MACROD2: variants seen among roughly 807,000 people sequenced by gnomAD.
The protein encoded by MACROD2 is ADP-ribose glycohydrolase MACROD2.
Under a neutral mutation model 70.4 loss-of-function variants are expected in MACROD2, and 36 were observed. The observed-to-expected ratio is 0.51, with a 90% CI of 0.39 to 0.68. MACROD2 has a LOEUF of 0.68. MACROD2 is among the 30% of genes least tolerant of loss of function. The pLI is 0.00. For missense variants in MACROD2, 496 were observed against 538.4 expected (o/e 0.92, Z 0.78); for synonymous variants, 172 against 178.8 (o/e 0.96, Z 0.30).
At chr20:14,466,422 G>C (rs1171113265) in intron 3 of MACROD2, among the ~76,000 whole-genome samples, 1 of 151,980 alleles carries the variant, frequency 6.6e-6, no homozygotes, top group Non-Finnish European at 1.5e-5. Context: ...GGTTATTCTA[G>C]TTATCCATTC....
intron 5 of MACROD2, among the ~76,000 whole-genome samples, chr20:15,183,000 G>T (rs1180587045): frequency 6.6e-6 from 1 of 152,128 alleles, no homozygotes; most frequent in South Asian, 2.1e-4. Flanking sequence ...TTGTAAAATT[G>T]TAACTGCTTT....
intron 6 of MACROD2, among the ~76,000 whole-genome samples, chr20:15,411,573 A>C (rs2046079695): frequency 6.6e-6 from 1 of 152,240 alleles, no homozygotes; most frequent in South Asian, 2.1e-4. Context: ...GATTTGAACA[A>C]GTCTTATAGA....
At chr20:14,365,959 G>A (rs908870166) in intron 3 of MACROD2, among the ~76,000 whole-genome samples, 2 of 152,102 alleles carry the variant, frequency 1.3e-5, no homozygotes, top group African/African-American at 4.8e-5. Flanking sequence ...TGTGGTTGAG[G>A]AAGATACTTT....
intron 2 of MACROD2, among the ~76,000 whole-genome samples, chr20:14,017,797 C>T (rs1234044309): frequency 6.6e-6 from 1 of 152,004 alleles, no homozygotes. Context: ...CAGGGTAATG[C>T]TGGCTATAAG....
At chr20:15,057,698 G>A (rs1449187498) in intron 5 of MACROD2, among the ~76,000 whole-genome samples, 1 of 152,180 alleles carries the variant, frequency 6.6e-6, no homozygotes, top group Admixed American at 6.5e-5. Flanking sequence ...TTAGAAAGCA[G>A]GTGTCTGGGT....
At chr20:15,073,688 A>G (rs1379379868) in intron 5 of MACROD2, among the ~76,000 whole-genome samples, 1 of 152,154 alleles carries the variant, frequency 6.6e-6, no homozygotes, top group African/African-American at 2.4e-5. Context: ...GGCTTTGTTC[A>G]TTTCATTCAA....
intron 5 of MACROD2, among the ~76,000 whole-genome samples, chr20:14,983,883 C>G (rs1375459671): frequency 6.6e-6 from 1 of 152,062 alleles, no homozygotes; most frequent in Non-Finnish European, 1.5e-5. Flanking sequence ...AGTAATGAAG[C>G]CTTTGTTCGG....
chr20:15,350,228 A>G (rs1419644350), intron 6 of MACROD2, among the ~76,000 whole-genome samples: 3 of 152,166 alleles, frequency 2.0e-5, no homozygotes, highest in African/African-American at 7.2e-5. Flanking sequence ...GCTAGTCTTC[A>G]ATAAGGCTGC....
intron 3 of MACROD2, among the ~76,000 whole-genome samples, chr20:14,090,375 C>A (rs1213666323): frequency 6.6e-6 from 1 of 151,864 alleles, no homozygotes; most frequent in South Asian, 2.1e-4. Flanking sequence ...GAGTTCGAGA[C>A]CAGCCTGGCC....
At chr20:14,666,883 T>C (rs763905259) in intron 4 of MACROD2, among the ~76,000 whole-genome samples, 2 of 151,824 alleles carry the variant, frequency 1.3e-5, no homozygotes, top group East Asian at 1.9e-4. Flanking sequence ...ATTATAACTC[T>C]TTCTGTGATG....
chr20:14,048,469 A>G (rs1202173272), intron 2 of MACROD2, among the ~76,000 whole-genome samples: 6 of 152,190 alleles, frequency 3.9e-5, no homozygotes, highest in African/African-American at 4.8e-5. Flanking sequence ...CTTTAAGACC[A>G]GAAGGATCAA....
At chr20:15,937,894 A>G (rs2065690380) in intron 12 of MACROD2, among the ~76,000 whole-genome samples, 1 of 152,112 alleles carries the variant, frequency 6.6e-6, no homozygotes, top group Non-Finnish European at 1.5e-5. Flanking sequence ...ACAGCCACTC[A>G]TCAGGAAAAG....
intron 8 of MACROD2, among the ~76,000 whole-genome samples, chr20:15,751,548 GA>G (rs2051269977): frequency 6.6e-6 from 1 of 151,898 alleles, no homozygotes; most frequent in Non-Finnish European, 1.5e-5. Context: ...TTTTCTTGTG[GA>G]CAAAGACAAG....
At chr20:14,712,788 A>G (rs950259923) in intron 5 of MACROD2, among the ~76,000 whole-genome samples, 6 of 152,156 alleles carry the variant, frequency 3.9e-5, no homozygotes, top group African/African-American at 1.4e-4. Flanking sequence ...ACTGTTGGGA[A>G]GAGAATACAA....
chr20:14,176,784 C>T (rs1050425877), intron 3 of MACROD2, among the ~76,000 whole-genome samples: 2 of 151,994 alleles, frequency 1.3e-5, no homozygotes, highest in Non-Finnish European at 2.9e-5. Context: ...ATCAACTATC[C>T]CCTTTACCTC....
intron 15 of MACROD2, among the ~76,000 whole-genome samples, chr20:16,035,870 A>C (rs1033313873): frequency 2.0e-5 from 3 of 151,902 alleles, no homozygotes; most frequent in African/African-American, 7.2e-5. Flanking sequence ...AGGAGAAGGA[A>C]AGCCCCAACT....
At chr20:14,466,296 G>A (rs6135154) in intron 3 of MACROD2, among the ~76,000 whole-genome samples, 43,022 of 151,494 alleles carry the variant, frequency 0.28, 6,181 homozygotes, top group Admixed American at 0.32. Context: ...ATCTTCCATT[G>A]CTGATACCCT....
chr20:14,574,269 T>A (rs142056339), intron 4 of MACROD2, among the ~76,000 whole-genome samples: 30 of 152,228 alleles, frequency 2.0e-4, no homozygotes, highest in African/African-American at 7.2e-4. Context: ...TCCACTTGAA[T>A]TTTTCCATCG....
chr20:14,035,900 T>G (rs972477495), intron 2 of MACROD2, among the ~76,000 whole-genome samples: 1 of 152,232 alleles, frequency 6.6e-6, no homozygotes, highest in Non-Finnish European at 1.5e-5. Context: ...CCCAACACTT[T>G]GGGAGGCCAA....
Sources: allele counts gnomAD v4.1 joint callset (sites outside exome capture counted in the v4.1 genomes callset), GRCh38; gene constraint gnomAD v4.1.1; transcripts MANE v1.5; gene names NCBI Gene and HGNC (gene_info 2026-07-23, HGNC 2026-07-21).